Variants in TCF7L2 observed in about 807,000 individuals in gnomAD.
The protein encoded by TCF7L2 is transcription factor 7 like 2, also known as transcription factor 7-like 2.
In TCF7L2, 23 loss-of-function variants were observed where a neutral mutation model predicts 77.9. The observed-to-expected ratio is 0.30, with a 90% CI of 0.21 to 0.42. TCF7L2 has a LOEUF of 0.42. TCF7L2 is among the 10% of genes least tolerant of loss of function. The pLI is 1.00. For synonymous variants in TCF7L2, 413 were observed against 340.2 expected, an observed-to-expected ratio of 1.21 and a Z score of -2.36; for missense variants, 654 against 793.1, an observed-to-expected ratio of 0.82 and a Z score of 2.11.
At position 113,151,880 on chromosome 10, in the gene TCF7L2, G is replaced by A. The variant is rs2137155580; in HGVS notation, c.1157G>A (p.Arg386Gln). The A allele has an allele frequency of 1.2e-6, 2 of 1,601,670 alleles. No individual in the cohort carries two copies. Among genetic ancestry groups the A allele is most frequent in the South Asian group, 1.1e-5 (1 of 88,266 alleles). The change falls in exon 10 of 14, where the codon CGG becomes CAG. Residue 386 changes from arginine to glutamine, a missense_variant. Physicochemically the swap from Arg to Gln is conservative, Grantham distance 43 (BLOSUM62 1). Coordinates refer to ENST00000627217, the MANE Select transcript of TCF7L2 (RefSeq NM_001146274.2). This position sits in a 1 kb window ranked among gnomAD's most constrained non-coding sequence, Gnocchi z 5.2. Reference sequence around the variant, plus strand: ...GCGGCCATCAACCAGATCCTTGGGCGGAGGGTAGGTGACGCCCTTCTCAGG... The same window carrying A: ...GCGGCCATCAACCAGATCCTTGGGCAGAGGGTAGGTGACGCCCTTCTCAGG...
At chr10:113,046,018 T>C (rs1015675835) in intron 5 of TCF7L2, among the ~76,000 whole-genome samples, 2 of 152,098 alleles carry the variant, frequency 1.3e-5, no homozygotes, top group African/African-American at 4.8e-5. Flanking sequence ...GAGGAAGAAG[T>C]GGTAGATGGG....
chr10:113,034,081 C>T (rs925193285), intron 4 of TCF7L2, among the ~76,000 whole-genome samples: 6 of 152,144 alleles, frequency 3.9e-5, no homozygotes, highest in Non-Finnish European at 8.8e-5. Context: ...AATTTTCCAT[C>T]GTCCATTTCT....
chr10:112,965,132 A>AT (rs1491535499), intron 4 of TCF7L2, among the ~76,000 whole-genome samples: 5 of 152,082 alleles, frequency 3.3e-5, no homozygotes, highest in Non-Finnish European at 5.9e-5. Context: ...GGTGCTAAGA[A>AT]TATCTCTTTG....
chr10:113,159,483 G>A (rs572949355), intron 12 of TCF7L2, among the ~76,000 whole-genome samples: 2 of 151,870 alleles, frequency 1.3e-5, no homozygotes, highest in African/African-American at 2.4e-5. Flanking sequence ...AAAAAAGCAT[G>A]TTACAAACTT....
rs750820646 is a variant in TCF7L2 at position 113,146,114 on chromosome 10, G to C, written c.875+17G>C. On this transcript the variant is annotated intron_variant, in intron 8 of 13. Transcript: ENST00000627217. ...CATGTCCAGGTGAGTTCCAAGAACC[G>C]GGGCCTTCATCCAAGGCCATGTGTG... is the stretch of plus-strand genomic sequence containing the variant. 2 of 1,612,590 alleles carry C rather than the reference G, an allele frequency of 1.2e-6. No homozygotes were observed. The highest frequency in any genetic ancestry group is 2.7e-5 in the African/African-American group (2 of 74,966).
intron 5 of TCF7L2, among the ~76,000 whole-genome samples, chr10:113,135,647 G>T (rs1163314419): frequency 6.6e-6 from 1 of 152,152 alleles, no homozygotes; most frequent in Non-Finnish European, 1.5e-5. Flanking sequence ...GAATCCTGCT[G>T]GGCCGAGATA....
intron 5 of TCF7L2, among the ~76,000 whole-genome samples, chr10:113,062,189 T>C (rs1414261192): frequency 6.6e-6 from 1 of 152,144 alleles, no homozygotes; most frequent in African/African-American, 2.4e-5. Context: ...GAACCAGTCC[T>C]CTATCACCTC....
intron 4 of TCF7L2, among the ~76,000 whole-genome samples, chr10:112,978,902 T>G (rs992837390): frequency 1.1e-4 from 17 of 152,192 alleles, no homozygotes; most frequent in African/African-American, 3.9e-4. Context: ...TACATATGTA[T>G]ACATGTGCCA....
chr10:113,104,893 G>A (rs1472062291), intron 5 of TCF7L2, among the ~76,000 whole-genome samples: 1 of 152,216 alleles, frequency 6.6e-6, no homozygotes, highest in Non-Finnish European at 1.5e-5. Context: ...GTCATGGGGT[G>A]AAGGAGGGCA....
intron 4 of TCF7L2, among the ~76,000 whole-genome samples, chr10:113,013,984 T>A (rs1165706770): frequency 2.0e-5 from 3 of 152,172 alleles, no homozygotes; most frequent in Non-Finnish European, 4.4e-5. Flanking sequence ...TTTTTAAAAA[T>A]TTTTATGTTG....
At chr10:113,092,872 G>A (rs186727830) in intron 5 of TCF7L2, among the ~76,000 whole-genome samples, 1 of 152,088 alleles carries the variant, frequency 6.6e-6, no homozygotes, top group African/African-American at 2.4e-5. Flanking sequence ...CGGCTGGGGG[G>A]GTTGGTGGGG....
intron 5 of TCF7L2, among the ~76,000 whole-genome samples, chr10:113,080,312 A>G (rs564808285): frequency 1.2e-4 from 18 of 151,816 alleles, no homozygotes; most frequent in Non-Finnish European, 2.1e-4. Flanking sequence ...CTGCAGATAC[A>G]TTACAAGGCA....
chr10:112,950,839 A>G lies in TCF7L2; in HGVS notation c.83A>G (p.Glu28Gly). The G allele has an allele frequency of 6.2e-7, 1 of 1,608,208 alleles. No homozygotes were observed. The highest frequency in any genetic ancestry group is 8.5e-7 in the Non-Finnish European group (1 of 1,177,220). ...TCCTTCAAAGACGAGGGCGAACAGG[A>G]GGAGAAGAGCTCCGAAAACTCCTCG... The change falls in exon 1 of 14, where the codon GAG becomes GGG. Residue 28 changes from glutamate to glycine, a missense_variant. Transcript: ENST00000627217.
chr10:113,129,324 C>A (rs150758524), intron 5 of TCF7L2: 1 of 986,544 alleles, frequency 1.0e-6, no homozygotes, highest in Non-Finnish European at 1.2e-6. Context: ...CATGGCTGAC[C>A]GTAATTTCTT....
chr10:113,167,143 G>A lies in TCF7L2; in HGVS notation c.*1171G>A, dbSNP rs2074075470. The A allele has an allele frequency of 4.4e-6, 1 of 229,316 alleles. No homozygotes were observed. The highest frequency in any genetic ancestry group is 1.8e-4 in the South Asian group (1 of 5,488). The allele number at this position is 229,316 out of a possible 1,614,324, so 14.2% of individuals were successfully genotyped here. A position where few individuals can be genotyped will look rare whatever the true frequency, so the allele number is the denominator to read the frequency against. On this transcript the variant is annotated 3_prime_UTR_variant, in exon 14 of 14. Transcript: ENST00000627217. ...TAATTTTTGTTCATCATGTTTTGCT[G>A]TGATGTTACATAGGTAGATTTGTAT...
intron 4 of TCF7L2, among the ~76,000 whole-genome samples, chr10:113,019,086 G>T (rs1268277778): frequency 6.6e-6 from 1 of 152,218 alleles, no homozygotes; most frequent in African/African-American, 2.4e-5. Flanking sequence ...GAAGGTGGAA[G>T]CAGTGAATGG....
At chr10:112,994,191 G>A (rs1419495019) in intron 4 of TCF7L2, among the ~76,000 whole-genome samples, 1 of 152,058 alleles carries the variant, frequency 6.6e-6, no homozygotes, top group Non-Finnish European at 1.5e-5. Context: ...CTAACTCCAG[G>A]ACATTTTCCT....
At chr10:112,981,884 T>C (rs1207759297) in intron 4 of TCF7L2, among the ~76,000 whole-genome samples, 4 of 152,210 alleles carry the variant, frequency 2.6e-5, no homozygotes, top group Non-Finnish European at 1.5e-5. Flanking sequence ...TCCTGGTCGG[T>C]GGAAGTCTCA....
intron 3 of TCF7L2, among the ~76,000 whole-genome samples, chr10:112,954,943 C>G (rs1564704595): frequency 6.6e-6 from 1 of 152,150 alleles, no homozygotes; most frequent in African/African-American, 2.4e-5. Context: ...GGGGCCTATT[C>G]ATTGGGATTT....
Sources: gnomAD v4.1 joint callset for allele counts (sites outside exome capture counted in the v4.1 genomes callset) on GRCh38, gnomAD v4.1.1 for gene constraint, Gnocchi (gnomAD v3.1) non-coding constraint, MANE v1.5 for transcripts, NCBI Gene and HGNC (gene_info 2026-07-23, HGNC 2026-07-21) for gene names.